Variants in KRTAP4-16 observed in about 807,000 individuals in gnomAD.
KRTAP4-16 encodes the protein keratin associated protein 4-16, also known as keratin-associated protein 4-16.
For synonymous variants in KRTAP4-16, 140 were observed against 88.8 expected (o/e 1.58, Z -3.24); for missense variants, 378 against 233.5 (o/e 1.62, Z -4.03).
At chr17:41,101,701 G>A in exon 1 of KRTAP4-16, 1 of 830,456 alleles carries the variant, frequency 1.2e-6, no homozygotes, top group Non-Finnish European at 1.8e-6. Flanking sequence ...AACGGGTGGG[G>A]AAGGGAAGGG....
At chr17:41,101,729 A>T in exon 1 of KRTAP4-16, 2 of 1,151,728 alleles carry the variant, frequency 1.7e-6, no homozygotes, top group Non-Finnish European at 2.4e-6. Context: ...AGGGGAGGGG[A>T]GGCACAGCAC....
At chr17:41,102,106 C>T in exon 1 of KRTAP4-16, 1 of 1,581,660 alleles carries the variant, frequency 6.3e-7, no homozygotes, top group Non-Finnish European at 8.7e-7. Context: ...GGAGGTGGTT[C>T]TGCAGCAGGT....
At chr17:41,101,596 G>C (rs2143879017) in exon 1 of KRTAP4-16, 1 of 386,872 alleles carries the variant, frequency 2.6e-6, no homozygotes, top group Non-Finnish European at 4.5e-6. Context: ...GAGAGAAGGG[G>C]AAGGGGAAGG....
At chr17:41,101,629 A>C in exon 1 of KRTAP4-16, 1 of 343,658 alleles carries the variant, frequency 2.9e-6, no homozygotes, top group Non-Finnish European at 5.3e-6. Context: ...CACTGGGGAG[A>C]GGAGGGGAGG....
chr17:41,101,687 G>A (rs1451739705), exon 1 of KRTAP4-16: 1 of 755,186 alleles, frequency 1.3e-6, no homozygotes, highest in Non-Finnish European at 2.1e-6. Flanking sequence ...AAGAAAGGGA[G>A]GGGAACGGGT....
chr17:41,101,732 C>T, exon 1 of KRTAP4-16: 1 of 1,307,024 alleles, frequency 7.7e-7, no homozygotes, highest in Non-Finnish European at 1.0e-6. Flanking sequence ...GGAGGGGAGG[C>T]ACAGCACAAG....
exon 1 of KRTAP4-16, chr17:41,102,114 G>A (rs2013998725): frequency 6.3e-7 from 1 of 1,575,536 alleles, no homozygotes; most frequent in Non-Finnish European, 8.7e-7. Context: ...TTCTGCAGCA[G>A]GTGGTCTGAC....
exon 1 of KRTAP4-16, chr17:41,102,147 G>T: frequency 6.6e-7 from 1 of 1,507,328 alleles, no homozygotes; most frequent in Non-Finnish European, 9.2e-7. Flanking sequence ...GACAGCAGTT[G>T]GGTGGGCTGG....
exon 1 of KRTAP4-16, chr17:41,101,559 G>C: frequency 2.5e-6 from 1 of 403,582 alleles, no homozygotes; most frequent in South Asian, 2.3e-5. Flanking sequence ...GGAGGGGAGG[G>C]GAGGGGAGGG....
chr17:41,101,929 C>T, exon 1 of KRTAP4-16: 1 of 1,610,908 alleles, frequency 6.2e-7, no homozygotes, highest in Non-Finnish European at 8.5e-7. Flanking sequence ...CACGGAATGG[C>T]AGCACTGGGG....
At chr17:41,101,928 G>A in exon 1 of KRTAP4-16, 1 of 1,610,568 alleles carries the variant, frequency 6.2e-7, no homozygotes, top group Non-Finnish European at 8.5e-7. Flanking sequence ...ACACGGAATG[G>A]CAGCACTGGG....
At chr17:41,102,058 G>A (rs2013997230) in exon 1 of KRTAP4-16, 2 of 1,599,182 alleles carry the variant, frequency 1.3e-6, no homozygotes, top group East Asian at 2.3e-5. Flanking sequence ...GCAGCACTGG[G>A]GTCTGCAGCA....
exon 1 of KRTAP4-16, chr17:41,102,024 G>A (rs577074605): frequency 1.3e-6 from 2 of 1,592,110 alleles, no homozygotes; most frequent in East Asian, 2.5e-5. Flanking sequence ...GGCGGCAGCA[G>A]GTGGGCTGGC....
At position 41,101,595 on chromosome 17, in the gene KRTAP4-16, G is replaced by C. The variant is rs755834859; in HGVS notation, c.615C>G (p.Ser205=). ...GAGGGGAAAGTGAAGGGAGAGAAGG[G>C]GAAGGGGAAGGGGAGGGGATTAACA... The change falls in exon 1 of 1, where the codon TCC becomes TCG. Residue 205 remains serine, a synonymous_variant. Coordinates refer to ENST00000440582, the Ensembl canonical transcript of KRTAP4-16. The C allele has an allele frequency of 3.4e-4, 139 of 406,464 alleles. 1 individual carries two copies. The African/African-American group carries it at 6.4e-3, about 19-fold the overall frequency. 25.2% of individuals were successfully genotyped at this position (406,464 alleles called of 1,614,324 possible). A position where few individuals can be genotyped will look rare whatever the true frequency, so the allele number is the denominator to read the frequency against.
At chr17:41,101,720 G>A (rs769085063) in exon 1 of KRTAP4-16, 14 of 1,199,212 alleles carry the variant, frequency 1.2e-5, no homozygotes, top group Admixed American at 8.1e-5. Flanking sequence ...GGGAGGGGAA[G>A]GGGAGGGGAG....
At chr17:41,102,028 G>A (rs1358328280) in exon 1 of KRTAP4-16, 2 of 1,591,182 alleles carry the variant, frequency 1.3e-6, no homozygotes, top group South Asian at 2.2e-5. Context: ...GCAGCAGGTG[G>A]GCTGGCAGCA....
chr17:41,101,779 T>C (rs756082272), exon 1 of KRTAP4-16: 7 of 1,543,188 alleles, frequency 4.5e-6, no homozygotes, highest in Non-Finnish European at 5.3e-6. Flanking sequence ...GGTTGGGTGA[T>C]AGCAAGTGAC....
At chr17:41,102,159 A>T (rs1442271983) in exon 1 of KRTAP4-16, 3 of 1,473,614 alleles carry the variant, frequency 2.0e-6, no homozygotes, top group Non-Finnish European at 2.8e-6. Flanking sequence ...GTGGGCTGGC[A>T]GCACACAGAC....
chr17:41,101,795 A>G (rs1476651054), exon 1 of KRTAP4-16: 2 of 1,562,942 alleles, frequency 1.3e-6, no homozygotes, highest in South Asian at 1.2e-5. Flanking sequence ...GTGACGTGGC[A>G]GGAGACTCGA....
Sources: gnomAD v4.1 joint callset for allele counts on GRCh38, gnomAD v4.1.1 for gene constraint, MANE v1.5 for transcripts, NCBI Gene and HGNC (gene_info 2026-07-23, HGNC 2026-07-21) for gene names.